Variants in CAPN3 observed in about 807,000 individuals in gnomAD.
CAPN3 encodes calpain 3, also known as calpain-3.
A neutral mutation model predicts 114.0 loss-of-function variants in CAPN3; 88 were observed. The ratio of observed to expected loss-of-function variants is 0.77; its 90% CI spans 0.65 to 0.92. CAPN3 has a LOEUF of 0.92. CAPN3 is among the 40% of genes least tolerant of loss of function. The pLI, the probability that CAPN3 is intolerant of heterozygous loss-of-function variation, is 0.00. For missense variants in CAPN3, 1,028 were observed against 1,069.0 expected, an observed-to-expected ratio of 0.96 and a Z score of 0.53; for synonymous variants, 386 against 382.9, an observed-to-expected ratio of 1.01 and a Z score of -0.09.
At chr15:42,403,923 A>G in intron 14 of CAPN3, 146 bp downstream of exon 14, 1 of 801,004 alleles carries the variant, frequency 1.2e-6, no homozygotes, top group South Asian at 1.4e-5. Context: ...TGGCACTGCA[A>G]ATCCTACTTT....
intron 1 of CAPN3, among the ~76,000 whole-genome samples, chr15:42,376,319 A>G (rs74996094): frequency 0.053 from 8,002 of 152,298 alleles, 648 homozygotes; most frequent in African/African-American, 0.17. Context: ...GAGGGCAGAG[A>G]ATCTGCATCA....
At chr15:42,368,997 T>C (rs1464771217) in intron 1 of CAPN3, among the ~76,000 whole-genome samples, 1 of 151,824 alleles carries the variant, frequency 6.6e-6, no homozygotes, top group Non-Finnish European at 1.5e-5. Flanking sequence ...TAAAGACAGG[T>C]TTATTTTGGA....
rs1555420765 is a variant in CAPN3 at position 42,389,999 on chromosome 15, T to C, written c.848T>C (p.Met283Thr). The change falls in exon 6 of 24, where the codon ATG becomes ACG. Residue 283 changes from methionine (M) to threonine (T), a missense_variant. By Grantham distance (81) the Met-to-Thr change is moderately conservative (BLOSUM62 -1). Coordinates refer to ENST00000397163, the MANE Select transcript of CAPN3 (RefSeq NM_000070.3). ...TYGTSPSGLN[M>T]GELIARMVRN... ...GGAACCTCTCCTTCTGGTCTGAACA[T>C]GGGGGAGTTGATTGCACGGATGGTA... 1.2e-6 allele frequency: 2 copies of C among 1,614,056 alleles called. No homozygotes were observed. Among genetic ancestry groups the C allele is most frequent in the Non-Finnish European group, 1.7e-6 (2 of 1,179,996 alleles).
rs756847946 is a variant in CAPN3 at position 42,387,811 on chromosome 15, A to G, written c.557A>G (p.Asn186Ser). Residue 186 changes from asparagine to serine, a missense_variant, in exon 4 of 24, where the codon AAC becomes AGC. Asn to Ser is a conservative substitution (Grantham distance 46). Coordinates refer to ENST00000397163, the MANE Select transcript of CAPN3 (RefSeq NM_000070.3). ...VVIDDCLPTY[N>S]NQLVFTKSNH... ...ATAGATGACTGCCTGCCAACGTACAACAATCAACTGGTTTTCACCAAGTCC... is the reference window on the plus strand; with the variant it reads ...ATAGATGACTGCCTGCCAACGTACAGCAATCAACTGGTTTTCACCAAGTCC... The G allele has an allele frequency of 1.9e-6, 3 of 1,614,112 alleles. 1 individual carries two copies. The Admixed American group carries it at 5.0e-5, about 27-fold the overall frequency.
At chr15:42,373,646 G>A (rs5029919) in intron 1 of CAPN3, among the ~76,000 whole-genome samples, 16,260 of 152,166 alleles carry the variant, frequency 0.11, 2,633 homozygotes, top group African/African-American at 0.35. Flanking sequence ...ATTTGCAACA[G>A]TGGATATCTG....
In CAPN3 at chr15:42,401,801, C is replaced by G; in HGVS notation, c.1515C>G (p.Ala505=). 6.2e-7 allele frequency: 1 copy of G among 1,613,268 alleles called. No homozygotes were observed. Among genetic ancestry groups the G allele is most frequent in the African/African-American group, 1.3e-5 (1 of 75,032 alleles). The change falls in exon 11 of 24, where the codon GCC becomes GCG. Residue 505 remains alanine, a synonymous_variant. Coordinates refer to ENST00000397163, the MANE Select transcript of CAPN3 (RefSeq NM_000070.3). ...LGASLFTIGF[A]IYEVPKEMHG... ...CCAGTCTCTTCACCATTGGCTTCGC[C>G]ATCTACGAGGTGTGCAGTCCTGATT...
chr15:42,396,695 T>C, intron 8 of CAPN3, 105 bp from the exon 9 acceptor site: 1 of 874,406 alleles, frequency 1.1e-6, no homozygotes, highest in South Asian at 1.4e-5. Context: ...ATTTTGGTAG[T>C]TCACAGCAGC....
At chr15:42,379,549 A>G (rs951110309) in intron 1 of CAPN3, among the ~76,000 whole-genome samples, 1 of 152,170 alleles carries the variant, frequency 6.6e-6, no homozygotes, top group African/African-American at 2.4e-5. Context: ...ATCACCAACT[A>G]TAATACTGGA....
chr15:42,386,281 T>G lies in CAPN3; in HGVS notation c.494T>G (p.Phe165Cys), dbSNP rs2053403506. 1 of 1,606,232 alleles carries G rather than the reference T, an allele frequency of 6.2e-7. No individual in the cohort carries two copies. The highest frequency in any genetic ancestry group is 8.5e-7 in the Non-Finnish European group (1 of 1,172,864). The change falls in exon 3 of 24, where the codon TTC becomes TGC. Residue 165 changes from phenylalanine to cysteine, a missense_variant. Coordinates refer to ENST00000397163, the MANE Select transcript of CAPN3 (RefSeq NM_000070.3). Reference sequence around the variant, plus strand: ...GAAAACTACGCAGGGATCTTCCACTTCCAGGTGAGGTAATGAGAGTGTAGT... The same window carrying G: ...GAAAACTACGCAGGGATCTTCCACTGCCAGGTGAGGTAATGAGAGTGTAGT... ...FIENYAGIFHFQFWRYGEWVD... is the reference protein window; with the variant it reads ...FIENYAGIFHCQFWRYGEWVD...
rs1265158048 is a variant in CAPN3, at chr15:42,369,094, A to G, written c.309+8980A>G. 2.6e-5 allele frequency among the ~76,000 whole-genome samples: 4 copies of G among 152,166 alleles called. No homozygotes were observed. In the East Asian group the frequency reaches 7.7e-4, roughly 29 times the overall value. ...AGTGTATTTAAGGGTTCAGGGTGAG[A>G]GAGCCTATCACAGGCTTGGAATGTT... On this transcript the variant is annotated intron_variant, in intron 1 of 23. Coordinates refer to ENST00000397163, the MANE Select transcript of CAPN3 (RefSeq NM_000070.3).
chr15:42,402,189 G>A (rs1236096299), intron 12 of CAPN3, 54 bp downstream of exon 12: 53 of 1,613,152 alleles, frequency 3.3e-5, no homozygotes, highest in Admixed American at 8.3e-5. Flanking sequence ...AGGGGGCCCC[G>A]AGTCTGTCTG....
intron 1 of CAPN3, among the ~76,000 whole-genome samples, chr15:42,360,808 T>C (rs1480874459): frequency 6.6e-6 from 1 of 152,182 alleles, no homozygotes; most frequent in African/African-American, 2.4e-5. Flanking sequence ...CCTCTGGGTT[T>C]CATTTACAGT....
chr15:42,370,095 A>G (rs889327991), intron 1 of CAPN3, among the ~76,000 whole-genome samples: 3 of 151,162 alleles, frequency 2.0e-5, no homozygotes, highest in Non-Finnish European at 4.4e-5. Context: ...CTGGTCTCGA[A>G]CTCCTGACCT....
intron 1 of CAPN3, among the ~76,000 whole-genome samples, chr15:42,380,735 A>G: frequency 1.7e-5 from 1 of 58,178 alleles, no homozygotes; most frequent in African/African-American, 9.3e-5. Context: ...CCCCATATAT[A>G]TATATATATA....
At chr15:42,392,381 C>G (rs1444371418) in intron 6 of CAPN3, among the ~76,000 whole-genome samples, 2 of 152,088 alleles carry the variant, frequency 1.3e-5, no homozygotes, top group South Asian at 2.1e-4. Flanking sequence ...TTACCCACCC[C>G]ACATCCCAGC....
chr15:42,379,094 A>G (rs2053170025), intron 1 of CAPN3, among the ~76,000 whole-genome samples: 1 of 152,158 alleles, frequency 6.6e-6, no homozygotes, highest in Non-Finnish European at 1.5e-5. Context: ...CAGGTGGATC[A>G]TGAGGTCAGG....
chr15:42,388,014 C>A, intron 4 of CAPN3, 128 bp downstream of exon 4: 3 of 1,035,468 alleles, frequency 2.9e-6, no homozygotes, highest in Non-Finnish European at 4.5e-6. Flanking sequence ...CATGCAAGTC[C>A]AACTGTGACC....
Position 42,359,630 on chromosome 15 carries a change from A to C in CAPN3, c.-176A>C. The C allele has an allele frequency of 6.9e-7, 1 of 1,444,988 alleles. No individual in the cohort carries two copies. The highest frequency in any genetic ancestry group is 1.5e-5 in the South Asian group (1 of 66,698). The allele number at this position is 1,444,988 out of a possible 1,614,324, so 89.5% of individuals were successfully genotyped here. On this transcript the variant is annotated 5_prime_UTR_variant, in exon 1 of 24. The change abolishes the stop of an existing upstream ORF in the 5' untranslated region. Coordinates refer to ENST00000397163, the MANE Select transcript of CAPN3 (RefSeq NM_000070.3). ...GCTTCAGAATCACAGCTCGGTTTTT[A>C]AGATGGACATAACCTGTACGACCTT...
At chr15:42,380,797 C>T (rs1235676519) in intron 1 of CAPN3, among the ~76,000 whole-genome samples, 2 of 132,012 alleles carry the variant, frequency 1.5e-5, no homozygotes, top group Non-Finnish European at 3.1e-5. Context: ...TGCCATGTTG[C>T]CCAGGCTGGC....
Sources: gnomAD v4.1 joint callset for allele counts (sites outside exome capture counted in the v4.1 genomes callset) on GRCh38, gnomAD v4.1.1 for gene constraint, MANE v1.5 for transcripts, NCBI Gene and HGNC (gene_info 2026-07-23, HGNC 2026-07-21) for gene names.